Variants in CTNND1 observed in about 807,000 individuals in gnomAD.
CTNND1 encodes the protein catenin delta 1.
A neutral mutation model predicts 112.1 loss-of-function variants in CTNND1; 16 were observed. The observed-to-expected ratio is 0.14, with a 90% CI of 0.10 to 0.22. The LOEUF (loss-of-function observed/expected upper bound fraction) is 0.22. Among genes scored for constraint, CTNND1 ranks in the 10% least tolerant of loss-of-function variants. The pLI, the probability that CTNND1 is intolerant of heterozygous loss-of-function variation, is 1.00. For synonymous variants in CTNND1, 420 were observed against 446.5 expected (o/e 0.94, Z 0.75); for missense variants, 1,008 against 1,257.0 (o/e 0.80, Z 3.00).
At position 57,814,371 on chromosome 11, in the gene CTNND1, T is replaced by C. The variant is rs1305831445; in HGVS notation, c.2699T>C (p.Leu900Pro). Residue 900 changes from leucine to proline, a missense_variant and splice_region_variant, in exon 18 of 21, where the codon CTA (leucine) becomes CCA (proline). By Grantham distance (98) the Leu-to-Pro change is moderately conservative. Coordinates refer to ENST00000399050, the MANE Select transcript of CTNND1 (RefSeq NM_001085458.2). ...MSNMGSNTKSLDNNYSTPNER... is the reference protein window; with the variant it reads ...MSNMGSNTKSPDNNYSTPNER... Reference sequence around the variant, plus strand: ...AATATGGGATCAAACACAAAATCACTAGGTAGGTGATTAATTCCTGCCTAA... The same window carrying C: ...AATATGGGATCAAACACAAAATCACCAGGTAGGTGATTAATTCCTGCCTAA... The C allele has an allele frequency of 6.2e-7, 1 of 1,606,344 alleles. No homozygotes were observed. Among genetic ancestry groups the C allele is most frequent in the East Asian group, 2.2e-5 (1 of 44,808 alleles).
rs144500435 is a variant in CTNND1 at position 57,782,081 on chromosome 11, A to G, written c.-213-6956A>G. 8.6e-3 allele frequency among the ~76,000 whole-genome samples: 1,312 copies of G among 152,030 alleles called. 25 individuals are homozygous for G. The highest frequency in any genetic ancestry group is 0.029 in the African/African-American group (1,214 of 41,456). ...GTAAAAACTTTAAATATTGACAGGTAGCTTTGGGTAAGGATTATAAGACTA... is the reference window on the plus strand; with the variant it reads ...GTAAAAACTTTAAATATTGACAGGTGGCTTTGGGTAAGGATTATAAGACTA... On this transcript the variant is annotated intron_variant, in intron 1 of 20. Transcript: ENST00000399050.
At chr11:57,796,415 CTTCCTTAA>C (rs2061370969) in intron 5 of CTNND1, 34 bp from the exon 6 acceptor site, 1 of 1,507,294 alleles carries the variant, frequency 6.6e-7, no homozygotes, top group Non-Finnish European at 8.9e-7. Context: ...TAATTGCTCA[CTTCCTTAA>C]TTAGTTTTTC....
At chr11:57,814,194 G>A in intron 17 of CTNND1, 117 bp from the exon 18 acceptor site, 1 of 705,998 alleles carries the variant, frequency 1.4e-6, no homozygotes, top group Non-Finnish European at 2.5e-6. Flanking sequence ...GCACATAGTT[G>A]GTGCTAAGTA....
intron 1 of CTNND1, among the ~76,000 whole-genome samples, chr11:57,780,949 C>G (rs976025018): frequency 6.6e-6 from 1 of 152,032 alleles, no homozygotes; most frequent in African/African-American, 2.4e-5. Flanking sequence ...TTCTTTCTTT[C>G]TTTTTCAAGA....
chr11:57,762,014 T>C lies in CTNND1; in HGVS notation c.-319T>C, dbSNP rs1174942937. 3 of 985,478 alleles carry C rather than the reference T, an allele frequency of 3.0e-6. No homozygotes were observed. 61.0% of individuals were successfully genotyped at this position (985,478 alleles called of 1,614,324 possible). A position where few individuals can be genotyped will look rare whatever the true frequency, so the allele number is the denominator to read the frequency against. On this transcript the variant is annotated 5_prime_UTR_variant, in exon 1 of 21. Coordinates refer to ENST00000399050, the MANE Select transcript of CTNND1 (RefSeq NM_001085458.2). The stretch of plus-strand genomic sequence containing the variant: ...TTGGCGAAGCCTTGGGTTTCTTTCT[T>C]AAAGGACTGATTTTTAGAACTCCAC...
In CTNND1 at chr11:57,802,160, AAGG is replaced by A; in HGVS notation, c.1385_1387del (p.Lys462_Ala463delinsThr). 6.2e-7 allele frequency: 1 copy of A among 1,613,824 alleles called. No individual in the cohort carries two copies. The highest frequency in any genetic ancestry group is 8.5e-7 in the Non-Finnish European group (1 of 1,179,798). ...GCCTGCCCTTGTGCGATTGCTTCGA[AAGG>A]CTCGTGATATGGACCTTACTGAAGT... On this transcript the variant is annotated inframe_deletion, in exon 7 of 21. Transcript: ENST00000399050.
At chr11:57,816,226 C>T in intron 20 of CTNND1, 71 bp from the exon 21 acceptor site, 1 of 1,587,962 alleles carries the variant, frequency 6.3e-7, no homozygotes, top group Non-Finnish European at 8.6e-7. Flanking sequence ...CAGATTTGCT[C>T]AACTTTTTTG....
At chr11:57,769,388 G>A (rs1035155261) in intron 1 of CTNND1, among the ~76,000 whole-genome samples, 29 of 151,802 alleles carry the variant, frequency 1.9e-4, no homozygotes, top group Middle Eastern at 3.4e-3. Flanking sequence ...GGGCTCAAGT[G>A]ATTCTCCTAC....
chr11:57,766,434 A>G (rs1006639289), intron 1 of CTNND1, among the ~76,000 whole-genome samples: 5 of 152,212 alleles, frequency 3.3e-5, no homozygotes, highest in African/African-American at 4.8e-5. Context: ...TAAGAACCGA[A>G]ATTAGTTTTC....
intron 1 of CTNND1, among the ~76,000 whole-genome samples, chr11:57,769,431 C>T (rs1952007645): frequency 6.6e-6 from 1 of 152,204 alleles, no homozygotes; most frequent in Non-Finnish European, 1.5e-5. Context: ...ACTACAGGCA[C>T]ACACCACCTT....
intron 1 of CTNND1, among the ~76,000 whole-genome samples, chr11:57,786,907 C>T (rs2060199569): frequency 1.3e-5 from 2 of 152,162 alleles, no homozygotes; most frequent in Non-Finnish European, 1.5e-5. Flanking sequence ...AGAGGAGAGG[C>T]TCTGGACCAT....
At chr11:57,795,817 A>T in intron 5 of CTNND1, 88 bp downstream of exon 5, 1 of 1,305,200 alleles carries the variant, frequency 7.7e-7, no homozygotes. Flanking sequence ...ATTAAGATGG[A>T]GGACTGATAT....
At chr11:57,778,083 G>C (rs1339038017) in intron 1 of CTNND1, among the ~76,000 whole-genome samples, 3 of 152,138 alleles carry the variant, frequency 2.0e-5, no homozygotes, top group South Asian at 2.1e-4. Context: ...TTGCTGTCTT[G>C]ACCTCTTTGC....
chr11:57,814,256 T>G, intron 17 of CTNND1, 55 bp from the exon 18 acceptor site: 1 of 1,298,640 alleles, frequency 7.7e-7, no homozygotes, highest in Non-Finnish European at 1.1e-6. Flanking sequence ...TTTCATGATG[T>G]GTACAGATTT....
At chr11:57,806,846 T>C (rs2062733483) in intron 11 of CTNND1, 69 bp from the exon 12 acceptor site, 2 of 1,329,022 alleles carry the variant, frequency 1.5e-6, no homozygotes, top group Non-Finnish European at 2.1e-6. Flanking sequence ...GGATGAAAAA[T>C]GTGCCAGGTG....
intron 1 of CTNND1, among the ~76,000 whole-genome samples, chr11:57,765,008 G>T (rs1010236772): frequency 6.6e-6 from 1 of 152,172 alleles, no homozygotes; most frequent in Non-Finnish European, 1.5e-5. Context: ...TCTTTAGAAC[G>T]AGAATCTTTC....
chr11:57,793,172 T>C (rs2060960398), intron 3 of CTNND1: 1 of 152,118 alleles, frequency 6.6e-6, no homozygotes, highest in African/African-American at 2.4e-5. Context: ...TTACACTCTA[T>C]GTAATGGGAG....
intron 17 of CTNND1, 78 bp from the exon 18 acceptor site, chr11:57,814,233 A>C (rs2063696262): frequency 1.0e-6 from 1 of 973,916 alleles, no homozygotes; most frequent in South Asian, 1.4e-5. Context: ...AGGAAGGAGG[A>C]CCAGAGAGCA....
chr11:57,811,850 AT>A (rs2063400526), intron 17 of CTNND1, among the ~76,000 whole-genome samples: 1 of 152,266 alleles, frequency 6.6e-6, no homozygotes, highest in Non-Finnish European at 1.5e-5. Context: ...ATAACAAAAA[AT>A]CACTTGTTTC....
Sources: allele counts gnomAD v4.1 joint callset (sites outside exome capture counted in the v4.1 genomes callset), GRCh38; gene constraint gnomAD v4.1.1; transcripts MANE v1.5; gene names NCBI Gene and HGNC (gene_info 2026-07-23, HGNC 2026-07-21).